Variants in ANKFN1 observed in about 807,000 individuals in gnomAD.
ANKFN1 encodes ankyrin repeat and fibronectin type-III domain-containing protein 1.
A neutral mutation model predicts 108.7 loss-of-function variants in ANKFN1; 74 were observed. The ratio of observed to expected loss-of-function variants is 0.68; its 90% CI spans 0.56 to 0.83. The LOEUF is 0.83. Ranked by LOEUF, ANKFN1 falls within the 40% of genes least tolerant of loss-of-function variation. The pLI is 0.00. For synonymous variants in ANKFN1, 547 were observed against 516.2 expected (o/e 1.06, Z -0.81); for missense variants, 1,505 against 1,382.3 (o/e 1.09, Z -1.41).
At chr17:56,491,806 T>C (rs2051047955) in intron 18 of ANKFN1, among the ~76,000 whole-genome samples, 1 of 152,162 alleles carries the variant, frequency 6.6e-6, no homozygotes, top group Non-Finnish European at 1.5e-5. Flanking sequence ...AAAACTAGGT[T>C]TCAAATTGCT....
rs891252525 is a variant in ANKFN1 at position 56,072,755 on chromosome 17, A to G, written c.288+26430A>G. ...GCTCTGGCCTGTAACTGAGGTGTGT[A>G]AGTCGCAGTTATTATCATGAAAAGA... is the stretch of plus-strand genomic sequence containing the variant. On this transcript the variant is annotated intron_variant, in intron 4 of 12. Coordinates refer to the ANKFN1 transcript ENST00000635860. Among the ~76,000 whole-genome samples, 7 of 152,330 alleles carry G rather than the reference A, an allele frequency of 4.6e-5. No homozygotes were observed. In the Middle Eastern group the frequency reaches 0.01, roughly 222 times the overall value.
intron 1 of ANKFN1, among the ~76,000 whole-genome samples, chr17:56,210,516 T>A (rs187358961): frequency 7.9e-5 from 12 of 152,372 alleles, no homozygotes; most frequent in Admixed American, 5.9e-4. Context: ...TTTCATATGT[T>A]TGTTGGCCAT....
At chr17:56,282,482 A>G (rs1204368883) in intron 3 of ANKFN1, among the ~76,000 whole-genome samples, 1 of 152,212 alleles carries the variant, frequency 6.6e-6, no homozygotes, top group African/African-American at 2.4e-5. Flanking sequence ...TAAAATTTCA[A>G]AAACCATTTT....
intron 4 of ANKFN1, among the ~76,000 whole-genome samples, chr17:56,345,825 C>G (rs745839203): frequency 6.6e-6 from 1 of 152,070 alleles, no homozygotes; most frequent in Non-Finnish European, 1.5e-5. Context: ...AAGTTTTCTC[C>G]CAACCTCTAG....
At chr17:56,268,521 C>A (rs2043711859) in intron 3 of ANKFN1, among the ~76,000 whole-genome samples, 1 of 152,026 alleles carries the variant, frequency 6.6e-6, no homozygotes, top group African/African-American at 2.4e-5. Context: ...CCTAGAGGAA[C>A]TAGAAAAACC....
At chr17:56,281,025 A>G (rs1293188672) in intron 3 of ANKFN1, among the ~76,000 whole-genome samples, 1 of 150,894 alleles carries the variant, frequency 6.6e-6, no homozygotes, top group Non-Finnish European at 1.5e-5. Flanking sequence ...TGGGCCTTTC[A>G]CCTTCTGCCA....
intron 1 of ANKFN1, among the ~76,000 whole-genome samples, chr17:56,189,179 T>TTTTTTTTTTTTTG (rs1244013476): frequency 9.0e-6 from 1 of 111,376 alleles, no homozygotes; most frequent in African/African-American, 4.9e-5. Flanking sequence ...ACTTTTTTTT[T>TTTTTTTTTTTTTG]TTTTTTTTTG....
chr17:56,071,509 T>C (rs1905120712), intron 4 of ANKFN1, among the ~76,000 whole-genome samples: 1 of 152,238 alleles, frequency 6.6e-6, no homozygotes. Context: ...TAACATTTGT[T>C]GTATTCCCTC....
chr17:56,078,818 A>T (rs912745165), intron 4 of ANKFN1, among the ~76,000 whole-genome samples: 1 of 152,160 alleles, frequency 6.6e-6, no homozygotes, highest in African/African-American at 2.4e-5. Context: ...CTGAGTCTCG[A>T]TGTATGTGGA....
At chr17:56,332,910 G>A (rs537907968) in intron 4 of ANKFN1, among the ~76,000 whole-genome samples, 24 of 151,938 alleles carry the variant, frequency 1.6e-4, no homozygotes, top group Admixed American at 4.6e-4. Context: ...GTATATGTCA[G>A]TTTGGAAGAA....
intron 1 of ANKFN1, among the ~76,000 whole-genome samples, chr17:56,164,474 C>T (rs569990183): frequency 1.3e-5 from 2 of 152,206 alleles, no homozygotes; most frequent in South Asian, 4.1e-4. Flanking sequence ...TCTATCTCAC[C>T]TCTTATTCTC....
intron 20 of ANKFN1, among the ~76,000 whole-genome samples, chr17:56,503,712 T>C (rs1338029411): frequency 6.6e-6 from 1 of 151,834 alleles, no homozygotes; most frequent in Non-Finnish European, 1.5e-5. Flanking sequence ...TCTACTCTGC[T>C]GTTGTTGGCC....
intron 1 of ANKFN1, among the ~76,000 whole-genome samples, chr17:56,186,956 A>T (rs1912270907): frequency 6.6e-6 from 1 of 152,222 alleles, no homozygotes; most frequent in Admixed American, 6.5e-5. Context: ...AAAGACCTAA[A>T]TGTTAGACCT....
intron 4 of ANKFN1, among the ~76,000 whole-genome samples, chr17:56,135,056 A>G (rs1240349385): frequency 2.0e-5 from 3 of 152,296 alleles, no homozygotes; most frequent in Admixed American, 6.5e-5. Context: ...GCCAGATATT[A>G]TTATCATCCC....
Position 56,265,488 on chromosome 17 carries a change from T to A in ANKFN1, c.53+37531T>A, listed in dbSNP as rs2043625654. Among the ~76,000 whole-genome samples, 5 of 152,318 alleles carry A rather than the reference T, an allele frequency of 3.3e-5. No individual in the cohort carries two copies. The South Asian group carries it at 1.0e-3, about 32-fold the overall frequency. On this transcript the variant is annotated intron_variant, in intron 3 of 20. Transcript: ENST00000682825. ...TGGGGATTACAATTTGAGATGAGAT[T>A]TGAATGGGGACACAGAGCCAAACCA...
At chr17:56,188,575 GTGTGTGTATATATATATATATA>G (rs1464208475) in intron 1 of ANKFN1, among the ~76,000 whole-genome samples, 11 of 88,254 alleles carry the variant, frequency 1.2e-4, no homozygotes, top group Non-Finnish European at 2.3e-4. Flanking sequence ...GTGTGTGTGT[GTGTGTGTATATATATATATATA>G]TATATATATA....
chr17:56,225,044 G>T (rs1310549278), intron 2 of ANKFN1: 1 of 152,174 alleles, frequency 6.6e-6, no homozygotes, highest in Non-Finnish European at 1.5e-5. Context: ...AGTCTTCTAG[G>T]ATCCACATAA....
At chr17:56,383,414 A>G (rs2047165082) in intron 8 of ANKFN1, among the ~76,000 whole-genome samples, 2 of 152,226 alleles carry the variant, frequency 1.3e-5, no homozygotes, top group South Asian at 4.1e-4. Context: ...ATCACAATTA[A>G]AAGAACTAGA....
chr17:56,432,259 C>T (rs906753934), intron 8 of ANKFN1, among the ~76,000 whole-genome samples: 5 of 152,212 alleles, frequency 3.3e-5, no homozygotes, highest in Non-Finnish European at 7.3e-5. Context: ...TCTATCTGGA[C>T]ATCTTACTCA....
Sources: allele counts gnomAD v4.1 joint callset (sites outside exome capture counted in the v4.1 genomes callset), GRCh38; gene constraint gnomAD v4.1.1; transcripts MANE v1.5; gene names NCBI Gene and HGNC (gene_info 2026-07-23, HGNC 2026-07-21).